TMLHE: variants seen among roughly 807,000 people sequenced by gnomAD.
TMLHE encodes the protein trimethyllysine hydroxylase, epsilon.
TMLHE carries 18 observed loss-of-function variants against 25.7 expected under a neutral mutation model. The ratio of observed to expected loss-of-function variants is 0.70; its 90% CI spans 0.48 to 1.04. TMLHE has a LOEUF of 1.04. Ranked by LOEUF, TMLHE falls within the 50% of genes least tolerant of loss-of-function variation. TMLHE has a pLI of 0.00. For missense variants in TMLHE, 236 were observed against 259.0 expected, an observed-to-expected ratio of 0.91 and a Z score of 0.61; for synonymous variants, 105 against 97.0, an observed-to-expected ratio of 1.08 and a Z score of -0.49.
chrX:155,574,747 C>A (rs1184475715), intron 1 of TMLHE, among the ~76,000 whole-genome samples: 1 of 111,091 alleles, frequency 9.0e-6, no homozygotes, highest in Non-Finnish European at 1.9e-5. Flanking sequence ...CACAGAACAT[C>A]AACAAAGAGA....
At chrX:155,540,427 T>C (rs2067303918) in intron 2 of TMLHE, among the ~76,000 whole-genome samples, 1 of 110,034 alleles carries the variant, frequency 9.1e-6, no homozygotes, top group African/African-American at 3.3e-5. Flanking sequence ...ACCAAGAACA[T>C]TATATTTTGT....
chrX:155,515,874 A>G (rs1376212707), intron 3 of TMLHE, among the ~76,000 whole-genome samples: 7 of 110,223 alleles, frequency 6.4e-5, no homozygotes, highest in Non-Finnish European at 1.3e-4. Flanking sequence ...CTATAGCTCC[A>G]TTCACTCATA....
intron 1 of TMLHE, among the ~76,000 whole-genome samples, chrX:155,601,176 A>G (rs955054153): frequency 4.4e-5 from 5 of 112,401 alleles, no homozygotes; most frequent in Non-Finnish European, 9.4e-5. Context: ...TTCATTGCTA[A>G]CAGACCTACC....
chrX:155,543,828 C>T (rs2067327049), intron 2 of TMLHE, among the ~76,000 whole-genome samples: 1 of 111,760 alleles, frequency 8.9e-6, no homozygotes, highest in Non-Finnish European at 1.9e-5. Context: ...GCAATAGCTA[C>T]TGAGGTAAAT....
In TMLHE at chrX:155,548,668, A is replaced by G. The variant is rs782573380; in HGVS notation, c.-1-3391T>C. On this transcript the variant is annotated intron_variant, in intron 1 of 7. Transcript: ENST00000334398. ...GAGAATCGCTTGAACCCAGGAGGCA[A>G]AGGTTGCAGTGAGCTGAGATTGTGC... Among the ~76,000 whole-genome samples the G allele has an allele frequency of 9.4e-4, 102 of 108,577 alleles. 1 individual carries two copies. Among genetic ancestry groups the G allele is most frequent in the African/African-American group, 2.1e-3 (63 of 29,442 alleles). The allele number at this position is 108,577 out of a possible 115,157, so 94.3% of individuals were successfully genotyped here. A position where few individuals can be genotyped will look rare whatever the true frequency, so the allele number is the denominator to read the frequency against.
chrX:155,547,822 C>T (rs1459326504), intron 1 of TMLHE, among the ~76,000 whole-genome samples: 2 of 110,787 alleles, frequency 1.8e-5, no homozygotes, highest in Non-Finnish European at 3.8e-5. Context: ...TATTTACCAC[C>T]CCATTCTTTC....
At chrX:155,505,406 T>A (rs1212584805) in intron 6 of TMLHE, among the ~76,000 whole-genome samples, 3 of 111,766 alleles carry the variant, frequency 2.7e-5, no homozygotes, top group African/African-American at 9.7e-5. Flanking sequence ...TTTACACAGT[T>A]CCTCCTACAA....
chrX:155,574,038 A>G (rs892053308), intron 1 of TMLHE, among the ~76,000 whole-genome samples: 1 of 107,325 alleles, frequency 9.3e-6, no homozygotes, highest in Non-Finnish European at 1.9e-5. Context: ...CACACACGAA[A>G]CTCATATCCA....
chrX:155,527,138 T>C (rs999785380), intron 2 of TMLHE, among the ~76,000 whole-genome samples: 4 of 111,680 alleles, frequency 3.6e-5, no homozygotes, highest in Admixed American at 9.4e-5. Flanking sequence ...TGGAATGATA[T>C]GGTTTGTCTC....
At chrX:155,544,614 C>A (rs1274459892) in intron 2 of TMLHE, among the ~76,000 whole-genome samples, 2 of 112,329 alleles carry the variant, frequency 1.8e-5, no homozygotes, top group East Asian at 2.8e-4. Context: ...GACTCATACA[C>A]ATAGGTAAAG....
intron 1 of TMLHE, among the ~76,000 whole-genome samples, chrX:155,562,292 C>G (rs1557341908): frequency 1.6e-5 from 1 of 62,169 alleles, no homozygotes; most frequent in African/African-American, 3.6e-5. Flanking sequence ...AAGCAATGTA[C>G]CATGGCCCCT....
intron 1 of TMLHE, among the ~76,000 whole-genome samples, chrX:155,557,457 G>T (rs2124440816): frequency 8.9e-6 from 1 of 111,946 alleles, no homozygotes; most frequent in Non-Finnish European, 1.9e-5. Context: ...TAAGTTTGTG[G>T]TAATTTGATA....
chrX:155,507,780 C>T (rs1557332893), intron 5 of TMLHE, among the ~76,000 whole-genome samples: 1 of 110,727 alleles, frequency 9.0e-6, no homozygotes, highest in Non-Finnish European at 1.9e-5. Context: ...ACGGCCATAT[C>T]AATATTTTAA....
At chrX:155,541,571 T>C (rs1484886085) in intron 2 of TMLHE, among the ~76,000 whole-genome samples, 1 of 111,646 alleles carries the variant, frequency 9.0e-6, no homozygotes, top group Admixed American at 9.5e-5. Context: ...AGTAATGAGA[T>C]TGCTGAGTCA....
At chrX:155,560,095 G>A (rs1557341565) in intron 1 of TMLHE, among the ~76,000 whole-genome samples, 1 of 111,804 alleles carries the variant, frequency 8.9e-6, no homozygotes, top group Non-Finnish European at 1.9e-5. Context: ...GCTCCTTGAG[G>A]AGAGGCAAAG....
At chrX:155,611,265 C>G (rs1202090950) in intron 1 of TMLHE, among the ~76,000 whole-genome samples, 1 of 110,881 alleles carries the variant, frequency 9.0e-6, no homozygotes, top group Non-Finnish European at 1.9e-5. Context: ...CCCATATGAG[C>G]CCAGGGGATG....
At chrX:155,607,998 A>C (rs2067796948) in intron 1 of TMLHE, among the ~76,000 whole-genome samples, 1 of 112,211 alleles carries the variant, frequency 8.9e-6, no homozygotes, top group South Asian at 3.7e-4. Flanking sequence ...AGCATTTTAT[A>C]GATTCAATGC....
intron 1 of TMLHE, among the ~76,000 whole-genome samples, chrX:155,580,947 T>C (rs1254996301): frequency 3.6e-5 from 4 of 111,677 alleles, no homozygotes; most frequent in Non-Finnish European, 7.5e-5. Context: ...AAACCAAATC[T>C]ATCAGCACAT....
chrX:155,573,533 C>T (rs1557343459), intron 1 of TMLHE, among the ~76,000 whole-genome samples: 1 of 56,292 alleles, frequency 1.8e-5, no homozygotes, highest in Admixed American at 2.1e-4. Flanking sequence ...CCCATGCACA[C>T]GTATGTTTAT....
Sources: gnomAD v4.1 joint callset for allele counts (sites outside exome capture counted in the v4.1 genomes callset) on GRCh38, gnomAD v4.1.1 for gene constraint, MANE v1.5 for transcripts, NCBI Gene and HGNC (gene_info 2026-07-23, HGNC 2026-07-21) for gene names.